Variants in UNC79 observed in about 807,000 individuals in gnomAD.
UNC79 encodes the protein unc-79 subunit of NALCN channel complex.
Under a neutral mutation model 283.1 loss-of-function variants are expected in UNC79, and 37 were observed. That is an observed-to-expected ratio of 0.13 (90% CI 0.10 to 0.17). The LOEUF (loss-of-function observed/expected upper bound fraction) is 0.17, where lower values mean the gene tolerates loss of function less well. UNC79 is among the 10% of genes least tolerant of loss of function. The pLI is 1.00. For missense variants in UNC79, 2,272 were observed against 3,211.1 expected (o/e 0.71, Z 7.07); for synonymous variants, 1,107 against 1,200.2 (o/e 0.92, Z 1.61).
Position 93,676,565 on chromosome 14 carries a change from C to T in UNC79, c.6741+3110C>T, listed in dbSNP as rs114129664. On this transcript the variant is annotated intron_variant, in intron 41 of 48. Transcript: ENST00000555664. The stretch of plus-strand genomic sequence containing the variant: ...TCAGGGCACTGAAGGTGCTTTCCTG[C>T]GGACAGTGAACAGCATTCCCTTAAT... 8.1e-3 allele frequency among the ~76,000 whole-genome samples: 1,232 copies of T among 152,240 alleles called. 15 individuals are homozygous for T. Among genetic ancestry groups the T allele is most frequent in the African/African-American group, 0.028 (1,156 of 41,540 alleles).
At chr14:93,402,443 GA>G (rs1158986352) in intron 1 of UNC79, among the ~76,000 whole-genome samples, 1 of 150,280 alleles carries the variant, frequency 6.7e-6, no homozygotes, top group African/African-American at 2.5e-5. Context: ...GCATAAGGAG[GA>G]AAAAATTATA....
chr14:93,388,420 GTA>G (rs1391035981), intron 1 of UNC79, among the ~76,000 whole-genome samples: 2 of 151,906 alleles, frequency 1.3e-5, no homozygotes, highest in Admixed American at 6.6e-5. Flanking sequence ...AGAAACAGTG[GTA>G]TATATATGTT....
chr14:93,659,345 A>G, intron 39 of UNC79, 84 bp downstream of exon 42: 1 of 1,110,098 alleles, frequency 9.0e-7, no homozygotes, highest in East Asian at 2.4e-5. Flanking sequence ...AATACTGAAG[A>G]CATAGTTATG....
At chr14:93,454,080 G>C (rs1300552977) in intron 1 of UNC79, among the ~76,000 whole-genome samples, 1 of 144,824 alleles carries the variant, frequency 6.9e-6, no homozygotes, top group African/African-American at 2.6e-5. Flanking sequence ...GGGTCTCGCT[G>C]TGTCACCCAA....
At chr14:93,609,207 GT>G (rs2066114696) in intron 26 of UNC79, among the ~76,000 whole-genome samples, 1 of 152,158 alleles carries the variant, frequency 6.6e-6, no homozygotes, top group Non-Finnish European at 1.5e-5. Flanking sequence ...GCACAAAATT[GT>G]TGGGGGAGGG....
intron 1 of UNC79, among the ~76,000 whole-genome samples, chr14:93,344,508 G>T (rs2053782615): frequency 6.6e-6 from 1 of 152,108 alleles, no homozygotes; most frequent in Non-Finnish European, 1.5e-5. Context: ...TCTTTGAGCA[G>T]CTTGGCTACA....
At chr14:93,335,725 G>A (rs1226316166) in intron 1 of UNC79, among the ~76,000 whole-genome samples, 1 of 152,188 alleles carries the variant, frequency 6.6e-6, no homozygotes, top group Non-Finnish European at 1.5e-5. Context: ...AGGAAAGGAG[G>A]AAGACCATAA....
In UNC79 at chr14:93,655,420, G is replaced by A. The variant is rs190573894; in HGVS notation, c.6456+13G>A. ...TTTACCTCTGAAGGTAAGCTGAGCCGAAGGTTTCATTTTCAATTAATTTCT... is the reference window on the plus strand; with the variant it reads ...TTTACCTCTGAAGGTAAGCTGAGCCAAAGGTTTCATTTTCAATTAATTTCT... On this transcript the variant is annotated intron_variant, in intron 38 of 48. Transcript: ENST00000555664. The A allele has an allele frequency of 2.2e-5, 36 of 1,609,108 alleles. No individual in the cohort carries two copies. The highest frequency in any genetic ancestry group is 1.0e-4 in the Admixed American group (6 of 59,090).
chr14:93,458,969 A>G (rs2056867935), intron 1 of UNC79, among the ~76,000 whole-genome samples: 1 of 152,246 alleles, frequency 6.6e-6, no homozygotes, highest in African/African-American at 2.4e-5. Context: ...CAGATATAAC[A>G]TGCTCTGGGT....
chr14:93,387,115 T>C (rs2054794069), intron 1 of UNC79, among the ~76,000 whole-genome samples: 1 of 151,720 alleles, frequency 6.6e-6, no homozygotes, highest in Non-Finnish European at 1.5e-5. Flanking sequence ...GCTAATTTTT[T>C]TGTATTTAGT....
Position 93,535,523 on chromosome 14 carries a change from G to A in UNC79, c.1123-2466G>A, listed in dbSNP as rs773204520. ...CATAGACTCTGTGGATCAGAGATTCGGACAGGGCATGATGGAGATAGCTTG... is the reference window on the plus strand; with the variant it reads ...CATAGACTCTGTGGATCAGAGATTCAGACAGGGCATGATGGAGATAGCTTG... On this transcript the variant is annotated intron_variant, in intron 11 of 48. Transcript: ENST00000555664. Among the ~76,000 whole-genome samples, 17 of 152,116 alleles carry A rather than the reference G, an allele frequency of 1.1e-4. 1 individual carries two copies. Among genetic ancestry groups the A allele is most frequent in the Non-Finnish European group, 2.9e-5 (2 of 68,026 alleles).
intron 16 of UNC79, among the ~76,000 whole-genome samples, chr14:93,573,807 C>A (rs1216782673): frequency 6.6e-6 from 1 of 152,174 alleles, no homozygotes; most frequent in East Asian, 1.9e-4. Flanking sequence ...GAGTTCAAGA[C>A]CAGCCTGGCC....
At chr14:93,467,628 C>CATT in intron 1 of UNC79, 43 bp from the exon 2 acceptor site, 4 of 761,390 alleles carry the variant, frequency 5.3e-6, no homozygotes, top group Non-Finnish European at 5.9e-6. Context: ...TTTCTTCTTC[C>CATT]TTTTTTTTTT....
chr14:93,601,788 C>T (rs577285930), intron 25 of UNC79, among the ~76,000 whole-genome samples: 32 of 152,236 alleles, frequency 2.1e-4, no homozygotes, highest in Admixed American at 1.2e-3. Flanking sequence ...TTTTAAATTA[C>T]GGCATTCTTG....
intron 14 of UNC79, among the ~76,000 whole-genome samples, chr14:93,565,647 A>C (rs894050608): frequency 6.9e-6 from 1 of 145,574 alleles, no homozygotes; most frequent in African/African-American, 2.6e-5. Flanking sequence ...AGTTCTTCTC[A>C]GGCCGTATTT....
At chr14:93,388,827 TAGTGG>T (rs1283255319) in intron 1 of UNC79, among the ~76,000 whole-genome samples, 1 of 152,194 alleles carries the variant, frequency 6.6e-6, no homozygotes, top group Non-Finnish European at 1.5e-5. Context: ...TTTTCCTTTG[TAGTGG>T]AACAGTTGGA....
intron 11 of UNC79, among the ~76,000 whole-genome samples, chr14:93,536,708 C>T (rs368559133): frequency 9.9e-5 from 15 of 151,794 alleles, no homozygotes; most frequent in Admixed American, 3.9e-4. Context: ...TTCTTAGAAC[C>T]CTTATTGTTG....
intron 1 of UNC79, among the ~76,000 whole-genome samples, chr14:93,465,575 C>T (rs529071371): frequency 7.7e-4 from 118 of 152,264 alleles, no homozygotes; most frequent in African/African-American, 2.7e-3. Flanking sequence ...GGAGCTATTG[C>T]TGCATTTTAA....
chr14:93,582,131 G>C, intron 19 of UNC79, 72 bp from the exon 20 acceptor site: 1 of 1,610,702 alleles, frequency 6.2e-7, no homozygotes, highest in Non-Finnish European at 8.5e-7. Context: ...GTCCAGCTTT[G>C]CTGAGCTGAG....
Sources: gnomAD v4.1 joint callset for allele counts (sites outside exome capture counted in the v4.1 genomes callset) on GRCh38, gnomAD v4.1.1 for gene constraint, MANE v1.5 for transcripts, NCBI Gene and HGNC (gene_info 2026-07-23, HGNC 2026-07-21) for gene names.